The following SORCS1 variants were observed in gnomAD, a reference collection of about 807,000 sequenced individuals.
SORCS1 encodes VPS10 domain-containing receptor SorCS1.
A neutral mutation model predicts 146.1 loss-of-function variants in SORCS1; 60 were observed. That is an observed-to-expected ratio of 0.41 (90% confidence interval 0.33 to 0.51). SORCS1 has a LOEUF of 0.51. Ranked by LOEUF, SORCS1 falls within the 20% of genes least tolerant of loss-of-function variation. The pLI is 0.21. For missense variants in SORCS1, 1,352 were observed against 1,487.6 expected (o/e 0.91, Z 1.50); for synonymous variants, 637 against 584.0 (o/e 1.09, Z -1.31).
At chr10:106,952,449 G>A in intron 2 of SORCS1, among the ~76,000 whole-genome samples, 1 of 151,802 alleles carries the variant, frequency 6.6e-6, no homozygotes, top group East Asian at 1.9e-4. Flanking sequence ...CTCCTCCTCT[G>A]TATTAACATA....
intron 24 of SORCS1, among the ~76,000 whole-genome samples, chr10:106,585,773 T>G (rs1231050173): frequency 2.6e-5 from 4 of 152,254 alleles, no homozygotes; most frequent in Non-Finnish European, 2.9e-5. Flanking sequence ...TGCATACCTC[T>G]GCTTTTTCTC....
intron 17 of SORCS1, among the ~76,000 whole-genome samples, chr10:106,656,442 T>A (rs1850295920): frequency 6.6e-6 from 1 of 152,066 alleles, no homozygotes; most frequent in Non-Finnish European, 1.5e-5. Flanking sequence ...TCCCAGCTAC[T>A]CTACTCGGGA....
intron 2 of SORCS1, among the ~76,000 whole-genome samples, chr10:106,913,129 G>A (rs896822497): frequency 2.0e-5 from 3 of 151,542 alleles, no homozygotes; most frequent in African/African-American, 4.8e-5. Flanking sequence ...CTTTGACCAG[G>A]TGTCATTTCC....
In SORCS1 at chr10:106,895,949, G is replaced by GTATATATA. The variant is rs112254770; in HGVS notation, c.626+60563_626+60564insTATATATA. 8.7e-3 allele frequency among the ~76,000 whole-genome samples: 1,312 copies of GTATATATA among 150,852 alleles called. 22 individuals carry two copies. Among genetic ancestry groups the GTATATATA allele is most frequent in the African/African-American group, 0.027 (1,114 of 40,946 alleles). On this transcript the variant is annotated intron_variant, in intron 2 of 25. Coordinates refer to ENST00000263054, the MANE Select transcript of SORCS1 (RefSeq NM_052918.5). The stretch of plus-strand genomic sequence containing the variant: ...CACAAACATATATATATGTGTGTGT[G>GTATATATA]TGTATATATATATATGCCTACATAC...
chr10:106,712,268 G>A (rs12258857), intron 6 of SORCS1, among the ~76,000 whole-genome samples: 3,210 of 152,260 alleles, frequency 0.021, 102 homozygotes, highest in African/African-American at 0.065. Context: ...GGGGTGTAAG[G>A]AAGAAGAGCT....
rs1845658095 is a variant in SORCS1, at chr10:106,592,469, G to A, written c.3265+4882C>T. On this transcript the variant is annotated intron_variant, in intron 24 of 25. Transcript: ENST00000263054. ...GCTAGTAAATTCTTGAAAAGAGACA[G>A]TTCTTTTTCCTTGGAGACAAACCAA... 2.6e-5 allele frequency among the ~76,000 whole-genome samples: 4 copies of A among 152,172 alleles called. No individual in the cohort carries two copies. In the South Asian group the frequency reaches 8.3e-4, roughly 32 times the overall value.
intron 18 of SORCS1, among the ~76,000 whole-genome samples, chr10:106,634,784 C>T: frequency 6.6e-6 from 1 of 152,150 alleles, no homozygotes; most frequent in East Asian, 1.9e-4. Flanking sequence ...ATATGAGAAA[C>T]AATTGGTATT....
chr10:106,661,488 C>T (rs978218750), intron 17 of SORCS1, among the ~76,000 whole-genome samples: 8 of 152,200 alleles, frequency 5.3e-5, no homozygotes, highest in Non-Finnish European at 8.8e-5. Flanking sequence ...ACATCAAATA[C>T]ATGTCTGGAC....
intron 1 of SORCS1, among the ~76,000 whole-genome samples, chr10:106,962,804 G>A (rs1023422432): frequency 2.0e-5 from 3 of 152,120 alleles, no homozygotes; most frequent in African/African-American, 7.2e-5. Flanking sequence ...GTCTGGCTTG[G>A]GTGAGCAAGG....
chr10:106,836,694 A>T (rs967455547), intron 2 of SORCS1, among the ~76,000 whole-genome samples: 1 of 152,014 alleles, frequency 6.6e-6, no homozygotes, highest in Non-Finnish European at 1.5e-5. Context: ...GCTTTTCTTT[A>T]TACCTATTAA....
chr10:106,870,260 A>T (rs980222776), intron 2 of SORCS1, among the ~76,000 whole-genome samples: 13 of 152,358 alleles, frequency 8.5e-5, no homozygotes, highest in Admixed American at 3.3e-4. Context: ...TGAAATGTCC[A>T]TGCTGGCCAA....
chr10:106,933,100 G>A (rs1347955340), intron 2 of SORCS1, among the ~76,000 whole-genome samples: 1 of 152,194 alleles, frequency 6.6e-6, no homozygotes, highest in Non-Finnish European at 1.5e-5. Context: ...CCTTGTAAAT[G>A]CAGAATATTT....
chr10:106,768,775 C>A (rs191494768), intron 4 of SORCS1, among the ~76,000 whole-genome samples: 104 of 152,344 alleles, frequency 6.8e-4, no homozygotes, highest in African/African-American at 2.3e-3. Context: ...TCCAGCTGCA[C>A]CACACCAGGG....
intron 1 of SORCS1, among the ~76,000 whole-genome samples, chr10:107,131,975 A>G (rs1405820537): frequency 1.3e-5 from 2 of 152,140 alleles, no homozygotes; most frequent in Admixed American, 6.5e-5. Context: ...AAAAATAGAA[A>G]ATTTGTTTTC....
chr10:106,914,466 A>G (rs1952316493), intron 2 of SORCS1, among the ~76,000 whole-genome samples: 1 of 152,198 alleles, frequency 6.6e-6, no homozygotes, highest in South Asian at 2.1e-4. Context: ...ACAATGTGCC[A>G]GGCAGTAAAA....
chr10:107,176,655 T>C, the SORCS1 span, among the ~76,000 whole-genome samples: 1 of 152,192 alleles, frequency 6.6e-6, no homozygotes, highest in African/African-American at 2.4e-5. Flanking sequence ...TTTCTAATTA[T>C]GTTTTTAAAT....
At chr10:106,901,293 T>A (rs953889147) in intron 2 of SORCS1, among the ~76,000 whole-genome samples, 4 of 152,234 alleles carry the variant, frequency 2.6e-5, no homozygotes, top group African/African-American at 7.2e-5. Context: ...TAGTTTTTTT[T>A]ATTTTGTTTT....
chr10:106,646,924 G>A (rs1231272573), intron 18 of SORCS1, among the ~76,000 whole-genome samples: 1 of 148,608 alleles, frequency 6.7e-6, no homozygotes, highest in African/African-American at 2.5e-5. Context: ...ATATATGCAT[G>A]TATATATGTT....
chr10:107,008,990 C>T (rs1957575086), intron 1 of SORCS1, among the ~76,000 whole-genome samples: 2 of 152,236 alleles, frequency 1.3e-5, no homozygotes, highest in Middle Eastern at 3.4e-3. Context: ...AGCGAGACTC[C>T]GTCTCAAAAC....
Sources: allele counts gnomAD v4.1 joint callset (sites outside exome capture counted in the v4.1 genomes callset), GRCh38; gene constraint gnomAD v4.1.1; transcripts MANE v1.5; gene names NCBI Gene and HGNC (gene_info 2026-07-23, HGNC 2026-07-21).